The following SRBD1 variants were observed in gnomAD, a reference collection of about 807,000 sequenced individuals.
The protein encoded by SRBD1 is S1 RNA binding domain 1, also known as S1 RNA-binding domain-containing protein 1.
In SRBD1, 88 loss-of-function variants were observed where a neutral mutation model predicts 115.3. That is an observed-to-expected ratio of 0.76 (90% CI 0.64 to 0.91). The LOEUF is 0.91. Among genes scored for constraint, SRBD1 ranks in the 40% least tolerant of loss-of-function variants. The pLI is 0.00. For synonymous variants in SRBD1, 509 were observed against 407.7 expected (o/e 1.25, Z -2.99); for missense variants, 1,385 against 1,177.4 (o/e 1.18, Z -2.58).
Position 45,488,265 on chromosome 2 carries a change from C to A in SRBD1, c.1941G>T (p.Gly647=). 1.2e-6 allele frequency: 2 copies of A among 1,613,934 alleles called. No homozygotes were observed. The highest frequency in any genetic ancestry group is 1.7e-6 in the Non-Finnish European group (2 of 1,179,924). ...CTGCACTTCTCAAATTAGGGTCCAG[C>A]CCTGGCATCTCTTTGTTAGCTTCAG... ...VSPEANKEMP[G]LDPNLRSAVS... is the part of the protein sequence containing the mutation. Residue 647 remains glycine, a synonymous_variant, in exon 15 of 21, where the codon GGG becomes GGT. Transcript: ENST00000263736.
At chr2:45,547,182 T>C (rs1672147808) in intron 13 of SRBD1, among the ~76,000 whole-genome samples, 1 of 152,298 alleles carries the variant, frequency 6.6e-6, no homozygotes, top group South Asian at 2.1e-4. Context: ...TTAAATTATA[T>C]AATATATTGT....
chr2:45,486,687 C>T (rs1259328878), intron 15 of SRBD1, among the ~76,000 whole-genome samples: 2 of 151,564 alleles, frequency 1.3e-5, no homozygotes, highest in African/African-American at 4.9e-5. Flanking sequence ...GAGCCGAGTT[C>T]GCACCACTGT....
intron 9 of SRBD1, among the ~76,000 whole-genome samples, chr2:45,571,587 T>G (rs1402206585): frequency 6.9e-6 from 1 of 144,084 alleles, no homozygotes; most frequent in East Asian, 2.1e-4. Flanking sequence ...AAACAAAGAT[T>G]TTAAATTAAC....
chr2:45,410,885 C>T (rs1282951632), intron 19 of SRBD1, among the ~76,000 whole-genome samples: 1 of 152,090 alleles, frequency 6.6e-6, no homozygotes, highest in East Asian at 1.9e-4. Flanking sequence ...CATATCCTTT[C>T]CCCCATATAC....
chr2:45,484,264 A>G (rs576850709), intron 15 of SRBD1, among the ~76,000 whole-genome samples: 1 of 152,270 alleles, frequency 6.6e-6, no homozygotes, highest in East Asian at 1.9e-4. Context: ...CTTGTCAACT[A>G]TGGCTTACTT....
intron 14 of SRBD1, among the ~76,000 whole-genome samples, chr2:45,532,733 A>T (rs1178909467): frequency 1.3e-5 from 2 of 150,940 alleles, no homozygotes; most frequent in Non-Finnish European, 3.0e-5. Flanking sequence ...GAGGTATTTC[A>T]TTAAGTTAGG....
chr2:45,570,272 C>T (rs1572789966), intron 9 of SRBD1, among the ~76,000 whole-genome samples: 2 of 152,302 alleles, frequency 1.3e-5, no homozygotes, highest in Middle Eastern at 6.8e-3. Context: ...CAAGGGCAAG[C>T]ATTTAATATA....
At chr2:45,469,347 C>T (rs558349888) in intron 16 of SRBD1, among the ~76,000 whole-genome samples, 2 of 152,150 alleles carry the variant, frequency 1.3e-5, no homozygotes, top group East Asian at 1.9e-4. Flanking sequence ...TGTGCTAACA[C>T]GAAAACTAGA....
At chr2:45,596,013 A>G (rs1403473543) in intron 4 of SRBD1, among the ~76,000 whole-genome samples, 1 of 152,158 alleles carries the variant, frequency 6.6e-6, no homozygotes, top group Admixed American at 6.6e-5. Flanking sequence ...GGAAAAAAAA[A>G]TTGCTTGGAA....
intron 20 of SRBD1, among the ~76,000 whole-genome samples, chr2:45,391,434 G>A (rs1666995936): frequency 6.6e-6 from 1 of 152,172 alleles, no homozygotes; most frequent in African/African-American, 2.4e-5. Flanking sequence ...TTGAGAAAAT[G>A]GAGAAAAGAG....
In SRBD1 at chr2:45,572,018, C is replaced by T. The variant is rs767756901; in HGVS notation, c.1305+1189G>A. 2.2e-4 allele frequency among the ~76,000 whole-genome samples: 33 copies of T among 152,090 alleles called. 1 individual carries two copies. The highest frequency in any genetic ancestry group is 3.3e-4 in the Admixed American group (5 of 15,268). On this transcript the variant is annotated intron_variant, in intron 9 of 20. Coordinates refer to ENST00000263736, the MANE Select transcript of SRBD1 (RefSeq NM_018079.5). ...GTTTGATGAAAAACATTAATCTACA[C>T]GTCTAAGAATCACAATAAACTCCAA...
In SRBD1 at chr2:45,442,446, G is replaced by A. The variant is rs551045705; in HGVS notation, c.2050-22552C>T. 2.2e-4 allele frequency among the ~76,000 whole-genome samples: 33 copies of A among 152,310 alleles called. No individual in the cohort carries two copies. The South Asian group carries it at 2.9e-3, about 13-fold the overall frequency. On this transcript the variant is annotated intron_variant, in intron 16 of 20. Transcript: ENST00000263736. ...ATCTCCCGTTCTGGGAGAATTAGGT[G>A]AAACCACACCCATTTGACCCACAGA...
At chr2:45,598,989 T>C (rs1026120540) in intron 4 of SRBD1, among the ~76,000 whole-genome samples, 13 of 152,222 alleles carry the variant, frequency 8.5e-5, no homozygotes, top group African/African-American at 1.9e-4. Flanking sequence ...GCATCTCAAG[T>C]TGGAATTCTT....
chr2:45,426,518 C>T (rs1367602032), intron 16 of SRBD1, among the ~76,000 whole-genome samples: 2 of 152,206 alleles, frequency 1.3e-5, no homozygotes, highest in East Asian at 3.9e-4. Flanking sequence ...CAGACTGCCT[C>T]CTCAAGTGGG....
intron 14 of SRBD1, among the ~76,000 whole-genome samples, chr2:45,491,614 C>T (rs1670293514): frequency 6.6e-6 from 1 of 152,032 alleles, no homozygotes; most frequent in East Asian, 1.9e-4. Context: ...TTACATTTTA[C>T]CAGATCTAAA....
chr2:45,604,436 A>G (rs1674201654), intron 2 of SRBD1, among the ~76,000 whole-genome samples: 1 of 152,114 alleles, frequency 6.6e-6, no homozygotes, highest in Admixed American at 6.5e-5. Context: ...GGATTCCAAC[A>G]TTTAGAGGGT....
intron 16 of SRBD1, chr2:45,447,401 T>C (rs112882743): frequency 0.096 from 14,663 of 152,142 alleles, 1,077 homozygotes; most frequent in African/African-American, 0.2. Flanking sequence ...TGAGTCGAGA[T>C]TGCGCCACTG....
intron 7 of SRBD1, among the ~76,000 whole-genome samples, chr2:45,575,532 T>C (rs1047125764): frequency 1.3e-5 from 2 of 152,238 alleles, no homozygotes; most frequent in African/African-American, 4.8e-5. Context: ...TATTTTCCTG[T>C]AAGTAAAGTT....
In SRBD1 at chr2:45,488,254, T is replaced by C. The variant is rs1464377119; in HGVS notation, c.1952A>G (p.Asn651Ser). The C allele has an allele frequency of 1.2e-6, 2 of 1,613,958 alleles. No homozygotes were observed. The highest frequency in any genetic ancestry group is 2.2e-5 in the East Asian group (1 of 44,858). ...TAGTTTCTTACCTGCACTTCTCAAA[T>C]TAGGGTCCAGCCCTGGCATCTCTTT... Reference protein sequence around the residue: ...ANKEMPGLDPNLRSAVSIARR... With the variant: ...ANKEMPGLDPSLRSAVSIARR... Residue 651 changes from asparagine (N) to serine (S), a missense_variant, in exon 15 of 21, where the codon AAT becomes AGT. Asn to Ser is a conservative substitution (Grantham distance 46). Coordinates refer to ENST00000263736, the MANE Select transcript of SRBD1 (RefSeq NM_018079.5).
Sources: gnomAD v4.1 joint callset for allele counts (sites outside exome capture counted in the v4.1 genomes callset) on GRCh38, gnomAD v4.1.1 for gene constraint, MANE v1.5 for transcripts, NCBI Gene and HGNC (gene_info 2026-07-23, HGNC 2026-07-21) for gene names.